The following CAPZB variants were observed in gnomAD, a reference collection of about 807,000 sequenced individuals.
CAPZB encodes capping actin protein of muscle Z-line subunit beta, also known as F-actin-capping protein subunit beta.
Under a neutral mutation model 38.1 loss-of-function variants are expected in CAPZB, and 2 were observed. That is an observed-to-expected ratio of 0.05 (90% CI 0.02 to 0.17). The LOEUF (loss-of-function observed/expected upper bound fraction) is 0.17. Ranked by LOEUF, CAPZB falls within the 10% of genes least tolerant of loss-of-function variation. The pLI is 1.00. For synonymous variants in CAPZB, 107 were observed against 127.4 expected (o/e 0.84, Z 1.08); for missense variants, 161 against 334.2 (o/e 0.48, Z 4.04).
At chr1:19,417,853 T>G (rs1167096770) in intron 2 of CAPZB, among the ~76,000 whole-genome samples, 1 of 152,098 alleles carries the variant, frequency 6.6e-6, no homozygotes, top group Non-Finnish European at 1.5e-5. Flanking sequence ...ATCAGGATAT[T>G]CTGCTGGGCA....
In CAPZB at chr1:19,424,161, C is replaced by CT. The variant is rs145370423; in HGVS notation, c.4-4412dup. On this transcript the variant is annotated intron_variant, in intron 1 of 8. Transcript: ENST00000264202. Reference sequence around the variant, plus strand: ...CGTGTTTTAGACTAATATAACAAGGCTTTTTTTTTTCTTTAAGCCAAGACA... The same window carrying CT: ...CGTGTTTTAGACTAATATAACAAGGCTTTTTTTTTTTCTTTAAGCCAAGACA... Among the ~76,000 whole-genome samples the CT allele has an allele frequency of 9.6e-3, 1,435 of 148,812 alleles. 17 individuals carry two copies. Among genetic ancestry groups the CT allele is most frequent in the South Asian group, 0.028 (129 of 4,684 alleles).
chr1:19,379,288 G>A (rs1015356577), intron 3 of CAPZB, among the ~76,000 whole-genome samples: 2 of 151,944 alleles, frequency 1.3e-5, no homozygotes, highest in Admixed American at 6.6e-5. Flanking sequence ...TAGTAGAGGC[G>A]GAGTTTGGCC....
chr1:19,342,859 A>G (rs2093938259), intron 8 of CAPZB: 1 of 1,588,740 alleles, frequency 6.3e-7, no homozygotes, highest in Non-Finnish European at 8.6e-7. Context: ...GATAGCATCA[A>G]TAGATCTACA....
At chr1:19,462,734 G>C (rs1482358789) in intron 1 of CAPZB, among the ~76,000 whole-genome samples, 3 of 152,192 alleles carry the variant, frequency 2.0e-5, no homozygotes, top group Non-Finnish European at 4.4e-5. Context: ...CTATCCAGAA[G>C]AATTCTTTAA....
intron 8 of CAPZB, among the ~76,000 whole-genome samples, chr1:19,341,544 A>C (rs2100221870): frequency 6.6e-6 from 1 of 152,288 alleles, no homozygotes; most frequent in Non-Finnish European, 1.5e-5. Flanking sequence ...AATGCTTGGG[A>C]AGGTCACGGC....
In CAPZB at chr1:19,339,307, G is replaced by C; in HGVS notation, c.*223C>G. ...AAAACCACACGGTCTCTATGGAAAT[G>C]TGGAGAGAACTGAGAGCGAGGTGTG... On this transcript the variant is annotated 3_prime_UTR_variant, in exon 9 of 9. Coordinates refer to ENST00000264202, the MANE Select transcript of CAPZB (RefSeq NM_004930.5). 1.7e-6 allele frequency: 1 copy of C among 588,636 alleles called. No individual in the cohort carries two copies. The highest frequency in any genetic ancestry group is 3.0e-6 in the Non-Finnish European group (1 of 329,914). 36.5% of individuals were successfully genotyped at this position (588,636 alleles called of 1,614,324 possible). A position where few individuals can be genotyped will look rare whatever the true frequency, so the allele number is the denominator to read the frequency against.
chr1:19,482,934 T>G (rs1294479672), intron 1 of CAPZB, among the ~76,000 whole-genome samples: 1 of 152,218 alleles, frequency 6.6e-6, no homozygotes, highest in Non-Finnish European at 1.5e-5. Flanking sequence ...TAAGGGATAC[T>G]AAGAACAAGT....
intron 1 of CAPZB, among the ~76,000 whole-genome samples, chr1:19,456,006 G>GGTTCAAGCGGTTCTCCTGC (rs1448710392): frequency 2.6e-5 from 4 of 152,204 alleles, no homozygotes; most frequent in African/African-American, 9.7e-5. Context: ...CTGCCTCCTG[G>GGTTCAAGCGGTTCTCCTGC]GTTCAAGCGG....
At chr1:19,456,590 C>T (rs1218565476) in intron 1 of CAPZB, among the ~76,000 whole-genome samples, 1 of 152,052 alleles carries the variant, frequency 6.6e-6, no homozygotes, top group African/African-American at 2.4e-5. Context: ...ACGATTCCCC[C>T]GTACAGAAAA....
chr1:19,344,327 CT>C (rs1216545028), intron 8 of CAPZB, 30 bp downstream of exon 8: 1 of 1,570,942 alleles, frequency 6.4e-7, no homozygotes. Context: ...CCTCTGTCTG[CT>C]TCTAAAGCTT....
At chr1:19,412,234 A>C (rs541380940) in intron 2 of CAPZB, among the ~76,000 whole-genome samples, 31 of 152,312 alleles carry the variant, frequency 2.0e-4, no homozygotes, top group African/African-American at 7.5e-4. Flanking sequence ...GGTGCATATT[A>C]CCAGTGATTC....
chr1:19,381,616 C>G (rs939653385), intron 3 of CAPZB, among the ~76,000 whole-genome samples: 1 of 151,312 alleles, frequency 6.6e-6, no homozygotes, highest in Non-Finnish European at 1.5e-5. Context: ...GTCGCCCAGG[C>G]TGGAGTGCAG....
chr1:19,377,964 G>A (rs1015433766), intron 4 of CAPZB, among the ~76,000 whole-genome samples: 2 of 152,170 alleles, frequency 1.3e-5, no homozygotes, highest in Non-Finnish European at 2.9e-5. Flanking sequence ...ACTTATCTTG[G>A]CCTGAGAGCA....
In CAPZB at chr1:19,357,370, G is replaced by A. The variant is rs2094027402; in HGVS notation, c.471+52C>T. On this transcript the variant is annotated intron_variant, in intron 5 of 8. Transcript: ENST00000264202. This position sits in a 1 kb window ranked among gnomAD's most constrained non-coding sequence, Gnocchi z 4.3. ...TTAGAGAGCAGCGCGGCACTGGTTG[G>A]TGTGCCATCTGTACTTAGTGGCCCG... 17 of 1,557,612 alleles carry A rather than the reference G, an allele frequency of 1.1e-5. No individual in the cohort carries two copies. In the South Asian group the frequency reaches 1.7e-4, roughly 15 times the overall value.
At chr1:19,364,413 A>G (rs1402504392) in intron 4 of CAPZB, among the ~76,000 whole-genome samples, 1 of 152,190 alleles carries the variant, frequency 6.6e-6, no homozygotes. Flanking sequence ...TGAGGCAAAC[A>G]TTTCTGTTCT....
At chr1:19,354,225 C>G (rs942178299) in intron 6 of CAPZB, among the ~76,000 whole-genome samples, 10 of 152,088 alleles carry the variant, frequency 6.6e-5, no homozygotes, top group African/African-American at 2.4e-4. Context: ...CAATCTAATC[C>G]AAGGGGACAG....
At chr1:19,421,001 A>G (rs1435438565) in intron 1 of CAPZB, among the ~76,000 whole-genome samples, 1 of 152,156 alleles carries the variant, frequency 6.6e-6, no homozygotes, top group Non-Finnish European at 1.5e-5. Context: ...GCCAGGTACA[A>G]GGGTGAAGAC....
chr1:19,405,541 C>CAAAAAAAAAAAAAAAAAAAAAAAAAAAAA (rs10577923), intron 2 of CAPZB, among the ~76,000 whole-genome samples: 2 of 96,516 alleles, frequency 2.1e-5, no homozygotes, highest in Non-Finnish European at 2.0e-5. Context: ...TAGAAAGAGG[C>CAAAAAAAAAAAAAAAAAAAAAAAAAAAAA]AAAAAAAAAA....
chr1:19,379,858 T>G (rs2094164573), intron 3 of CAPZB, among the ~76,000 whole-genome samples: 1 of 151,932 alleles, frequency 6.6e-6, no homozygotes, highest in Non-Finnish European at 1.5e-5. Flanking sequence ...GAGAGAGGAA[T>G]GAAAAGACAG....
Sources: gnomAD v4.1 joint callset for allele counts (sites outside exome capture counted in the v4.1 genomes callset) on GRCh38, gnomAD v4.1.1 for gene constraint, Gnocchi (gnomAD v3.1) non-coding constraint, MANE v1.5 for transcripts, NCBI Gene and HGNC (gene_info 2026-07-23, HGNC 2026-07-21) for gene names.